MSN: variants seen among roughly 807,000 people sequenced by gnomAD.
MSN encodes the protein epididymis luminal protein 70.
In MSN, 2 loss-of-function variants were observed where a neutral mutation model predicts 48.0. The observed-to-expected ratio is 0.04, with a 90% CI of 0.02 to 0.13. The LOEUF (loss-of-function observed/expected upper bound fraction) is 0.13, where lower values mean the gene tolerates loss of function less well. MSN is among the 10% of genes least tolerant of loss of function. The probability of loss-of-function intolerance (pLI) is 1.00; values close to 1 mark genes in which losing one functional copy is unlikely to be tolerated. For synonymous variants in MSN, 146 were observed against 166.9 expected, an observed-to-expected ratio of 0.87 and a Z score of 0.97; for missense variants, 267 against 470.1, an observed-to-expected ratio of 0.57 and a Z score of 3.99.
At chrX:65,665,467 A>G (rs2148381289), upstream of MSN, among the ~76,000 whole-genome samples, 1 of 111,966 alleles carries the variant, frequency 8.9e-6, no homozygotes, top group South Asian at 3.7e-4. Flanking sequence ...CAAGGAAATG[A>G]TCTTGGCAGG....
intron 1 of MSN, among the ~76,000 whole-genome samples, chrX:65,590,079 A>G (rs1291742758): frequency 1.8e-5 from 2 of 109,184 alleles, no homozygotes; most frequent in African/African-American, 6.7e-5. Flanking sequence ...CTGGTCTGGA[A>G]CTCCTGACTA....
At chrX:65,677,613 C>T (rs1045885594) in intron 1 of MSN, among the ~76,000 whole-genome samples, 1 of 110,017 alleles carries the variant, frequency 9.1e-6, no homozygotes, top group African/African-American at 3.3e-5. Context: ...GAAAAAATAG[C>T]CGGGCGTGTT....
At chrX:65,636,769 A>AAAG (rs2070604594) in intron 1 of MSN, among the ~76,000 whole-genome samples, 1 of 102,090 alleles carries the variant, frequency 9.8e-6, no homozygotes, top group Non-Finnish European at 2.0e-5. Flanking sequence ...AAAAAAAAAA[A>AAAG]AAAAACCAGA....
intron 1 of MSN, among the ~76,000 whole-genome samples, chrX:65,649,507 C>T (rs1255299108): frequency 4.0e-5 from 4 of 99,682 alleles, no homozygotes; most frequent in South Asian, 9.2e-4. Flanking sequence ...ACCCGGGAGG[C>T]GGAGGTTGCA....
intron 1 of MSN, among the ~76,000 whole-genome samples, chrX:65,688,433 G>A (rs2071139028): frequency 9.0e-6 from 1 of 111,222 alleles, no homozygotes; most frequent in African/African-American, 3.3e-5. Context: ...TAGACTTTAA[G>A]TGGCTGCAAA....
chrX:65,600,827 A>G (rs1416819372), intron 1 of MSN: 1 of 111,871 alleles, frequency 8.9e-6, no homozygotes, highest in Non-Finnish European at 1.9e-5. Flanking sequence ...AGACAGAGAT[A>G]TGGAGTCCAC....
chrX:65,617,443 A>G (rs1424306646), intron 1 of MSN, among the ~76,000 whole-genome samples: 1 of 103,655 alleles, frequency 9.6e-6, no homozygotes, highest in Non-Finnish European at 1.9e-5. Flanking sequence ...GGGAGAGTGT[A>G]TGTGTCCAGG....
chrX:65,666,111 C>T (rs895484761), upstream of MSN, among the ~76,000 whole-genome samples: 13 of 110,841 alleles, frequency 1.2e-4, no homozygotes, highest in African/African-American at 3.9e-4. Flanking sequence ...CTCCCGGAAG[C>T]GATTCTCCTG....
intron 1 of MSN, among the ~76,000 whole-genome samples, chrX:65,685,528 T>A (rs1395831274): frequency 2.7e-5 from 3 of 112,357 alleles, no homozygotes; most frequent in Non-Finnish European, 5.6e-5. Flanking sequence ...GCTGGTCCGA[T>A]GGTAGTGGGT....
chrX:65,615,211 T>C (rs1270357848), intron 1 of MSN, among the ~76,000 whole-genome samples: 2 of 109,727 alleles, frequency 1.8e-5, no homozygotes, highest in Non-Finnish European at 3.8e-5. Flanking sequence ...GTCCTTTGGG[T>C]ATATACCCAG....
chrX:65,691,114 G>A (rs2071167763), intron 1 of MSN, among the ~76,000 whole-genome samples: 1 of 111,281 alleles, frequency 9.0e-6, no homozygotes, highest in South Asian at 3.8e-4. Context: ...GCTTTAGGGT[G>A]GATATAGTAC....
intron 1 of MSN, among the ~76,000 whole-genome samples, chrX:65,629,295 C>T (rs1183874269): frequency 9.0e-6 from 1 of 111,441 alleles, no homozygotes; most frequent in Non-Finnish European, 1.9e-5. Context: ...TCTGAGACCA[C>T]CTCAGCCTGG....
intron 1 of MSN, among the ~76,000 whole-genome samples, chrX:65,628,156 T>C (rs774203413): frequency 5.3e-5 from 6 of 112,610 alleles, no homozygotes; most frequent in Non-Finnish European, 9.4e-5. Flanking sequence ...TTCTGGGGCC[T>C]GGAGGACGGT....
At chrX:65,727,657 T>C (rs942931939) in intron 2 of MSN, among the ~76,000 whole-genome samples, 157 bp from the exon 3 acceptor site, 1 of 112,066 alleles carries the variant, frequency 8.9e-6, no homozygotes, top group Non-Finnish European at 1.9e-5. Context: ...CCGACATCAG[T>C]TCTTGATTGC....
chrX:65,619,425 C>G (rs2070411251), intron 1 of MSN, among the ~76,000 whole-genome samples: 1 of 97,982 alleles, frequency 1.0e-5, no homozygotes, highest in African/African-American at 5.3e-5. Flanking sequence ...TCTTTTTTCT[C>G]TAAACTTCCC....
chrX:65,603,798 T>C (rs1405553069), intron 1 of MSN, among the ~76,000 whole-genome samples: 1 of 111,717 alleles, frequency 9.0e-6, no homozygotes, highest in Non-Finnish European at 1.9e-5. Flanking sequence ...TAGCAGGCTC[T>C]TGTGATCCAG....
At chrX:65,676,832 C>CT (rs1209705046) in intron 1 of MSN, among the ~76,000 whole-genome samples, 15 of 105,354 alleles carry the variant, frequency 1.4e-4, no homozygotes, top group East Asian at 2.9e-4. Flanking sequence ...TTTTTCTTTT[C>CT]TTTTTTTTTT....
At chrX:65,590,614 G>A (rs897573426) in intron 1 of MSN, among the ~76,000 whole-genome samples, 1 of 111,834 alleles carries the variant, frequency 8.9e-6, no homozygotes, top group Non-Finnish European at 1.9e-5. Flanking sequence ...GGGAAGCCAA[G>A]GATGGAAGTA....
chrX:65,607,077 TGGACCAGG>T (rs1466702173), intron 1 of MSN, among the ~76,000 whole-genome samples: 1 of 112,232 alleles, frequency 8.9e-6, no homozygotes, highest in Non-Finnish European at 1.9e-5. Flanking sequence ...GTATTTTCAA[TGGACCAGG>T]TATTTTATAC....
Sources: gnomAD v4.1 joint callset for allele counts (sites outside exome capture counted in the v4.1 genomes callset) on GRCh38, gnomAD v4.1.1 for gene constraint, MANE v1.5 for transcripts, NCBI Gene and HGNC (gene_info 2026-07-23, HGNC 2026-07-21) for gene names.